GRIN2B: variants seen among roughly 807,000 people sequenced by gnomAD.
GRIN2B encodes glutamate ionotropic receptor NMDA type subunit 2B.
A neutral mutation model predicts 114.5 loss-of-function variants in GRIN2B; 5 were observed. The observed-to-expected ratio is 0.04, with a 90% CI of 0.02 to 0.09. The LOEUF is 0.09. Among genes scored for constraint, GRIN2B ranks in the 10% least tolerant of loss-of-function variants. GRIN2B has a pLI of 1.00. For synonymous variants in GRIN2B, 787 were observed against 745.1 expected (o/e 1.06, Z -0.92); for missense variants, 1,108 against 1,943.5 (o/e 0.57, Z 8.08).
At chr12:13,596,650 C>T (rs1221643900) in intron 10 of GRIN2B, among the ~76,000 whole-genome samples, 1 of 152,196 alleles carries the variant, frequency 6.6e-6, no homozygotes, top group Non-Finnish European at 1.5e-5. Flanking sequence ...ACATGACACC[C>T]AATAATATTC....
rs1948311014 is a variant in GRIN2B at position 13,543,705 on chromosome 12, AT to A, written c.*19077del. 2.0e-5 allele frequency: 3 copies of A among 151,622 alleles called. No individual in the cohort carries two copies. Among genetic ancestry groups the A allele is most frequent in the African/African-American group, 7.3e-5 (3 of 40,950 alleles). 9.4% of individuals were successfully genotyped at this position (151,622 alleles called of 1,614,324 possible). The stretch of plus-strand genomic sequence containing the variant: ...TTCCTGCCGGATGGCTATATGACTC[AT>A]TCATGCTTTCTTCCTTCCAAAACCT... On this transcript the variant is annotated 3_prime_UTR_variant, in exon 14 of 14. Coordinates refer to ENST00000609686, the MANE Select transcript of GRIN2B (RefSeq NM_000834.5).
chr12:13,855,216 G>A (rs1240804914), intron 3 of GRIN2B, among the ~76,000 whole-genome samples: 1 of 151,950 alleles, frequency 6.6e-6, no homozygotes, highest in South Asian at 2.1e-4. Context: ...AGACCCTGTT[G>A]AAAGAAAGAA....
chr12:13,697,239 C>T (rs557414191), intron 4 of GRIN2B, among the ~76,000 whole-genome samples: 134 of 152,212 alleles, frequency 8.8e-4, no homozygotes, highest in African/African-American at 3.0e-3. Context: ...TCAATTTTCA[C>T]TTTTTAAATG....
At chr12:13,690,441 C>A (rs543015681) in intron 4 of GRIN2B, among the ~76,000 whole-genome samples, 77 of 151,770 alleles carry the variant, frequency 5.1e-4, no homozygotes, top group Non-Finnish European at 8.8e-4. Context: ...AAAGTAATTC[C>A]TCCAATTATT....
intron 2 of GRIN2B, among the ~76,000 whole-genome samples, chr12:13,893,469 C>A (rs1866299638): frequency 6.6e-6 from 1 of 151,966 alleles, no homozygotes; most frequent in South Asian, 2.1e-4. Context: ...ATCAAATAAT[C>A]CACATACAAA....
intron 2 of GRIN2B, among the ~76,000 whole-genome samples, chr12:13,867,088 A>T (rs1158848940): frequency 6.6e-6 from 1 of 152,200 alleles, no homozygotes; most frequent in African/African-American, 2.4e-5. Flanking sequence ...ATATTACTCC[A>T]ATCTATTTAT....
intron 2 of GRIN2B, among the ~76,000 whole-genome samples, chr12:13,947,507 A>C (rs1867382695): frequency 6.6e-6 from 1 of 152,158 alleles, no homozygotes; most frequent in Non-Finnish European, 1.5e-5. Context: ...TGTGGCCCAT[A>C]AAGGGAAAAA....
chr12:13,794,750 G>A (rs984559287), intron 3 of GRIN2B, among the ~76,000 whole-genome samples: 11 of 152,288 alleles, frequency 7.2e-5, no homozygotes, highest in Admixed American at 3.3e-4. Context: ...TTCTCTACTC[G>A]CCAAGCCTCA....
intron 2 of GRIN2B, among the ~76,000 whole-genome samples, chr12:13,880,772 T>C (rs1866059751): frequency 6.6e-6 from 1 of 152,204 alleles, no homozygotes; most frequent in African/African-American, 2.4e-5. Context: ...CTAAGTACAA[T>C]GACCCTGGGC....
At chr12:13,740,770 T>C (rs541477657) in intron 4 of GRIN2B, among the ~76,000 whole-genome samples, 2 of 152,334 alleles carry the variant, frequency 1.3e-5, no homozygotes, top group East Asian at 3.9e-4. Flanking sequence ...AGTTGTTGTT[T>C]TTTCCTCTAT....
At chr12:13,974,953 G>C (rs774710688) in intron 2 of GRIN2B, among the ~76,000 whole-genome samples, 8 of 152,078 alleles carry the variant, frequency 5.3e-5, no homozygotes, top group Middle Eastern at 3.2e-3. Flanking sequence ...AAAAAAGAAA[G>C]AGAGGAATCA....
chr12:13,659,735 T>A (rs1949902029), intron 5 of GRIN2B, among the ~76,000 whole-genome samples: 1 of 152,142 alleles, frequency 6.6e-6, no homozygotes, highest in Non-Finnish European at 1.5e-5. Flanking sequence ...TCTAAAACCT[T>A]CCCTATCATT....
rs201090529 is a variant in GRIN2B at position 13,938,472 on chromosome 12, G to A, written c.-19+41456C>T. ...GTAAATGTCCTTTGTAGGTTTATTCGTAATAATCAAAAACTGGAAATGATC... is the reference window on the plus strand; with the variant it reads ...GTAAATGTCCTTTGTAGGTTTATTCATAATAATCAAAAACTGGAAATGATC... On this transcript the variant is annotated intron_variant, in intron 2 of 13. Transcript: ENST00000609686. Among the ~76,000 whole-genome samples, 40 of 152,118 alleles carry A rather than the reference G, an allele frequency of 2.6e-4. No homozygotes were observed. In the East Asian group the frequency reaches 5.2e-3, roughly 20 times the overall value.
At position 13,911,204 on chromosome 12, in the gene GRIN2B, G is replaced by GA. The variant is rs953350831; in HGVS notation, c.-18-44979dup. Among the ~76,000 whole-genome samples the GA allele has an allele frequency of 1.0e-4, 15 of 150,326 alleles. No individual in the cohort carries two copies. In the South Asian group the frequency reaches 1.5e-3, roughly 15 times the overall value. ...CGAACATTTAGCACAGAATTTACAA[G>GA]AAAAAAAAATAAAGGATAATGAGCC... On this transcript the variant is annotated intron_variant, in intron 2 of 13. Coordinates refer to ENST00000609686, the MANE Select transcript of GRIN2B (RefSeq NM_000834.5).
At chr12:13,643,751 A>G (rs1209736373) in intron 5 of GRIN2B, among the ~76,000 whole-genome samples, 1 of 152,080 alleles carries the variant, frequency 6.6e-6, no homozygotes, top group Non-Finnish European at 1.5e-5. Context: ...CTTTTTCGTT[A>G]TTTCGACAAT....
At chr12:13,715,278 C>T (rs1233846486) in intron 4 of GRIN2B, among the ~76,000 whole-genome samples, 1 of 151,906 alleles carries the variant, frequency 6.6e-6, no homozygotes, top group African/African-American at 2.4e-5. Flanking sequence ...ATTCACTTCT[C>T]CTAGAATAGT....
intron 2 of GRIN2B, among the ~76,000 whole-genome samples, chr12:13,911,626 C>T (rs755534670): frequency 2.6e-5 from 4 of 152,118 alleles, no homozygotes; most frequent in Admixed American, 6.6e-5. Flanking sequence ...CTTCTCCCTC[C>T]CTTTTCCACG....
At chr12:13,947,041 T>C (rs985655225) in intron 2 of GRIN2B, among the ~76,000 whole-genome samples, 1 of 152,202 alleles carries the variant, frequency 6.6e-6, no homozygotes, top group African/African-American at 2.4e-5. Flanking sequence ...ACACTTTCTC[T>C]AGCAGATGGA....
chr12:13,592,706 T>C (rs1195122087), intron 10 of GRIN2B, among the ~76,000 whole-genome samples: 2 of 152,178 alleles, frequency 1.3e-5, no homozygotes, highest in African/African-American at 2.4e-5. Context: ...TGCTGAGCTC[T>C]GGTGCTTTCC....
Sources: gnomAD v4.1 joint callset for allele counts (sites outside exome capture counted in the v4.1 genomes callset) on GRCh38, gnomAD v4.1.1 for gene constraint, MANE v1.5 for transcripts, NCBI Gene and HGNC (gene_info 2026-07-23, HGNC 2026-07-21) for gene names.